PAPPA: variants seen among roughly 807,000 people sequenced by gnomAD.
PAPPA encodes pappalysin-1.
In PAPPA, 60 loss-of-function variants were observed where a neutral mutation model predicts 164.0. That is an observed-to-expected ratio of 0.37 (90% CI 0.30 to 0.45). The LOEUF (loss-of-function observed/expected upper bound fraction) is 0.45, where lower values mean the gene tolerates loss of function less well. Ranked by LOEUF, PAPPA falls within the 20% of genes least tolerant of loss-of-function variation. PAPPA has a pLI of 1.00. For missense variants in PAPPA, 1,782 were observed against 2,087.3 expected, an observed-to-expected ratio of 0.85 and a Z score of 2.85; for synonymous variants, 875 against 814.1, an observed-to-expected ratio of 1.07 and a Z score of -1.27.
chr9:116,370,690 A>G (rs1846561627), intron 19 of PAPPA, among the ~76,000 whole-genome samples: 2 of 152,242 alleles, frequency 1.3e-5, no homozygotes, highest in African/African-American at 2.4e-5. Flanking sequence ...CACCACCGAC[A>G]CTTAGCCAAG....
At chr9:116,213,258 C>G (rs1294015275) in intron 4 of PAPPA, among the ~76,000 whole-genome samples, 1 of 152,294 alleles carries the variant, frequency 6.6e-6, no homozygotes, top group South Asian at 2.1e-4. Flanking sequence ...GCTGCTGGAA[C>G]CCAAAGGTTT....
chr9:116,195,032 G>A (rs1215541975), intron 2 of PAPPA, among the ~76,000 whole-genome samples: 2 of 152,120 alleles, frequency 1.3e-5, no homozygotes, highest in Non-Finnish European at 2.9e-5. Context: ...CAAATGTCTG[G>A]CAGTGTTAAA....
chr9:116,365,788 T>G (rs1288931595), intron 18 of PAPPA, among the ~76,000 whole-genome samples: 1 of 152,056 alleles, frequency 6.6e-6, no homozygotes, highest in Non-Finnish European at 1.5e-5. Flanking sequence ...TTATCCCCAT[T>G]TCTTGTCTCT....
At chr9:116,297,587 G>A (rs1845525202) in intron 9 of PAPPA, among the ~76,000 whole-genome samples, 1 of 152,188 alleles carries the variant, frequency 6.6e-6, no homozygotes, top group African/African-American at 2.4e-5. Context: ...TCCACCAATT[G>A]TGTTGAAATC....
intron 6 of PAPPA, 104 bp downstream of exon 6, chr9:116,227,656 C>A: frequency 8.2e-7 from 1 of 1,213,846 alleles, no homozygotes; most frequent in South Asian, 1.5e-5. Flanking sequence ...TGCCATGTAT[C>A]ATTTCATTTG....
chr9:116,187,697 C>T lies in PAPPA; in HGVS notation c.959C>T (p.Thr320Met), dbSNP rs758068595. Reference protein sequence around the residue: ...FSNAHGFLLDTSLEPPLCGQT... With the variant: ...FSNAHGFLLDMSLEPPLCGQT... The stretch of plus-strand genomic sequence containing the variant: ...AATGCCCACGGCTTTCTGCTGGACA[C>T]GAGTCTGGAGCCTCCTCTGTGCGGA... The change falls in exon 2 of 22, where the codon ACG (threonine) becomes ATG (methionine). Residue 320 changes from threonine to methionine, a missense_variant. By Grantham distance (81) the Thr-to-Met change is moderately conservative. Coordinates refer to ENST00000328252, the MANE Select transcript of PAPPA (RefSeq NM_002581.5). This position sits in a 1 kb window ranked among gnomAD's most constrained non-coding sequence, Gnocchi z 4.2. 7.8e-5 allele frequency: 126 copies of T among 1,614,140 alleles called. No individual in the cohort carries two copies. The highest frequency in any genetic ancestry group is 5.8e-5 in the Non-Finnish European group (69 of 1,180,058).
chr9:116,314,602 G>A (rs1845763865), intron 10 of PAPPA, among the ~76,000 whole-genome samples: 1 of 152,196 alleles, frequency 6.6e-6, no homozygotes, highest in Admixed American at 6.5e-5. Flanking sequence ...AGTCTTAGCA[G>A]ACAAGGCCAT....
chr9:116,277,276 G>A (rs1008561825), intron 9 of PAPPA, among the ~76,000 whole-genome samples: 5 of 152,128 alleles, frequency 3.3e-5, no homozygotes, highest in African/African-American at 4.8e-5. Context: ...CCCAGAACAC[G>A]TTTTTGAAAT....
chr9:116,275,396 C>T (rs959951402), intron 9 of PAPPA, among the ~76,000 whole-genome samples: 7 of 152,136 alleles, frequency 4.6e-5, no homozygotes, highest in South Asian at 2.1e-4. Flanking sequence ...GTTCTTCATA[C>T]GCATCTTTGT....
In PAPPA at chr9:116,154,605, G is replaced by A. The variant is rs1407144803; in HGVS notation, c.415+18G>A. ...GATCACAGGTAGGTGAGGGCGCCTC[G>A]GCGGGCGCTGCACCGTCCCTGCGGC... On this transcript the variant is annotated intron_variant, in intron 1 of 21. Transcript: ENST00000328252. The surrounding 1 kb of genome is among the most constrained non-coding windows in gnomAD (Gnocchi z 5.2). The A allele has an allele frequency of 1.3e-5, 17 of 1,332,796 alleles. No individual in the cohort carries two copies. Among genetic ancestry groups the A allele is most frequent in the Non-Finnish European group, 1.6e-5 (17 of 1,042,762 alleles). The allele number at this position is 1,332,796 out of a possible 1,614,324, so 82.6% of individuals were successfully genotyped here.
intron 19 of PAPPA, among the ~76,000 whole-genome samples, chr9:116,376,256 T>A (rs1425735987): frequency 3.3e-5 from 5 of 152,274 alleles, no homozygotes; most frequent in Middle Eastern, 3.4e-3. Context: ...TTTGACCTCA[T>A]GATCCACCTG....
chr9:116,228,384 C>T (rs1844542607), intron 6 of PAPPA, among the ~76,000 whole-genome samples: 2 of 152,090 alleles, frequency 1.3e-5, no homozygotes, highest in African/African-American at 4.8e-5. Context: ...TGCCAGCAGT[C>T]ACTGGGTGAG....
At chr9:116,374,975 C>T (rs1362975999) in intron 19 of PAPPA, among the ~76,000 whole-genome samples, 4 of 152,240 alleles carry the variant, frequency 2.6e-5, no homozygotes, top group African/African-American at 9.6e-5. Flanking sequence ...TGTATTTCTT[C>T]ACTGTGCTCC....
chr9:116,293,122 C>T lies in PAPPA; in HGVS notation c.2954-9635C>T, dbSNP rs73654694. Among the ~76,000 whole-genome samples the T allele has an allele frequency of 8.2e-3, 1,252 of 152,014 alleles. 18 individuals carry two copies. The highest frequency in any genetic ancestry group is 0.029 in the African/African-American group (1,198 of 41,436). On this transcript the variant is annotated intron_variant, in intron 9 of 21. Transcript: ENST00000328252. Reference sequence around the variant, plus strand: ...GTATAGAAGCTAGACTGGAGAGAACCGATAGGTGAAGTGCAGGAGACAAAG... The same window carrying T: ...GTATAGAAGCTAGACTGGAGAGAACTGATAGGTGAAGTGCAGGAGACAAAG...
At chr9:116,352,532 T>C (rs1846296429) in intron 15 of PAPPA, among the ~76,000 whole-genome samples, 174 bp from the exon 16 acceptor site, 1 of 152,168 alleles carries the variant, frequency 6.6e-6, no homozygotes. Flanking sequence ...TCTCCTCTTC[T>C]TTGTGGCAGC....
At chr9:116,309,047 G>A (rs748815786) in intron 10 of PAPPA, among the ~76,000 whole-genome samples, 1 of 152,040 alleles carries the variant, frequency 6.6e-6, no homozygotes, top group African/African-American at 2.4e-5. Flanking sequence ...GTCAGTGAAA[G>A]GGAATTGTAA....
intron 9 of PAPPA, among the ~76,000 whole-genome samples, chr9:116,296,947 CA>C (rs1437068807): frequency 6.6e-6 from 1 of 152,054 alleles, no homozygotes; most frequent in Admixed American, 6.5e-5. Flanking sequence ...CTCCACCTCC[CA>C]TGTTCAACTG....
intron 10 of PAPPA, among the ~76,000 whole-genome samples, chr9:116,330,427 A>C (rs1845974106): frequency 6.6e-6 from 1 of 152,206 alleles, no homozygotes; most frequent in African/African-American, 2.4e-5. Context: ...AGTGTTTGAC[A>C]AGCAATAGTT....
chr9:116,170,665 C>A (rs1004650361), intron 1 of PAPPA, among the ~76,000 whole-genome samples: 4 of 150,584 alleles, frequency 2.7e-5, no homozygotes, highest in African/African-American at 9.8e-5. Flanking sequence ...TTCCATCCAC[C>A]CTTCCATCAA....
Sources: allele counts gnomAD v4.1 joint callset (sites outside exome capture counted in the v4.1 genomes callset), GRCh38; gene constraint gnomAD v4.1.1; non-coding constraint Gnocchi (gnomAD v3.1); transcripts MANE v1.5; gene names NCBI Gene and HGNC (gene_info 2026-07-23, HGNC 2026-07-21).